The following CBL variants were observed in gnomAD, a reference collection of about 807,000 sequenced individuals.
CBL encodes the protein E3 ubiquitin-protein ligase CBL.
CBL carries 45 observed loss-of-function variants against 96.9 expected under a neutral mutation model. The observed-to-expected ratio is 0.46, with a 90% CI of 0.37 to 0.60. CBL has a LOEUF of 0.60. CBL is among the 20% of genes least tolerant of loss of function. The pLI is 0.00. For synonymous variants in CBL, 420 were observed against 426.8 expected (o/e 0.98, Z 0.20); for missense variants, 1,024 against 1,143.5 (o/e 0.90, Z 1.51).
intron 1 of CBL, among the ~76,000 whole-genome samples, chr11:119,219,459 C>A (rs983098242): frequency 1.3e-5 from 2 of 151,730 alleles, no homozygotes; most frequent in African/African-American, 4.8e-5. Flanking sequence ...ATAAGTGCTT[C>A]ATTAAGATGG....
At chr11:119,263,057 T>C (rs1949766259) in intron 2 of CBL, among the ~76,000 whole-genome samples, 1 of 152,232 alleles carries the variant, frequency 6.6e-6, no homozygotes, top group South Asian at 2.1e-4. Flanking sequence ...ATTATGAGAA[T>C]TAAATGCACT....
At chr11:119,214,224 TGA>T (rs1469170220) in intron 1 of CBL, among the ~76,000 whole-genome samples, 1 of 151,644 alleles carries the variant, frequency 6.6e-6, no homozygotes, top group East Asian at 1.9e-4. Flanking sequence ...ATTACAGGCA[TGA>T]GCCACCCCGC....
chr11:119,234,717 C>T (rs1218265869), intron 2 of CBL, among the ~76,000 whole-genome samples: 1 of 152,184 alleles, frequency 6.6e-6, no homozygotes, highest in Non-Finnish European at 1.5e-5. Flanking sequence ...AGGATTATTT[C>T]AGCACAAGAA....
intron 2 of CBL, among the ~76,000 whole-genome samples, chr11:119,256,158 A>C (rs76217251): frequency 7.3e-5 from 11 of 151,424 alleles, no homozygotes; most frequent in African/African-American, 2.7e-4. Context: ...TCTATATGTT[A>C]AGCCTCCATT....
At chr11:119,268,292 A>G (rs565583860) in intron 2 of CBL, among the ~76,000 whole-genome samples, 2 of 152,306 alleles carry the variant, frequency 1.3e-5, no homozygotes, top group African/African-American at 2.4e-5. Flanking sequence ...ATTATCACCA[A>G]GGAGTTTGCA....
At chr11:119,254,472 C>T (rs1477427005) in intron 2 of CBL, among the ~76,000 whole-genome samples, 2 of 152,128 alleles carry the variant, frequency 1.3e-5, no homozygotes, top group Admixed American at 1.3e-4. Context: ...GCTTATTGCT[C>T]ATAGGCTACC....
intron 2 of CBL, among the ~76,000 whole-genome samples, chr11:119,256,235 A>G (rs1260467504): frequency 6.7e-6 from 1 of 149,712 alleles, no homozygotes; most frequent in South Asian, 2.1e-4. Flanking sequence ...TCTGTCGCCC[A>G]GGTTGGAGTG....
chr11:119,278,014 A>G (rs1949902658), intron 7 of CBL, 152 bp from the exon 8 acceptor site: 1 of 865,056 alleles, frequency 1.2e-6, no homozygotes, highest in African/African-American at 1.7e-5. Flanking sequence ...CCCAGACTAG[A>G]TGCTTTCTGG....
intron 2 of CBL, among the ~76,000 whole-genome samples, chr11:119,246,196 A>C (rs1414123132): frequency 6.6e-6 from 1 of 151,626 alleles, no homozygotes; most frequent in Non-Finnish European, 1.5e-5. Context: ...GATAGTCTTG[A>C]TCTCTTGACC....
At chr11:119,275,462 A>G (rs1949882979) in intron 5 of CBL, among the ~76,000 whole-genome samples, 1 of 152,100 alleles carries the variant, frequency 6.6e-6, no homozygotes, top group Non-Finnish European at 1.5e-5. Context: ...ACAAAAAAAG[A>G]ATAGAGTTTA....
At chr11:119,278,424 T>G (rs1490686565) in intron 8 of CBL, 86 bp from the exon 9 acceptor site, 1 of 1,540,026 alleles carries the variant, frequency 6.5e-7, no homozygotes, top group Admixed American at 1.7e-5. Context: ...TACTTTTTTT[T>G]GATCTCTAGG....
chr11:119,280,041 A>G (rs1949921431), intron 9 of CBL, among the ~76,000 whole-genome samples: 1 of 152,258 alleles, frequency 6.6e-6, no homozygotes, highest in South Asian at 2.1e-4. Context: ...GGAAAGAAGT[A>G]AAGGAACACA....
intron 1 of CBL, among the ~76,000 whole-genome samples, chr11:119,223,484 C>G (rs1949427982): frequency 1.3e-5 from 2 of 151,494 alleles, no homozygotes; most frequent in Admixed American, 1.3e-4. Context: ...CACCGGAGTG[C>G]AGTGGCCTGA....
At chr11:119,272,644 C>T (rs1325275580) in intron 3 of CBL, among the ~76,000 whole-genome samples, 5 of 152,152 alleles carry the variant, frequency 3.3e-5, no homozygotes, top group Admixed American at 6.5e-5. Context: ...GTTTGGCTAA[C>T]GCTGGCGATG....
At chr11:119,277,599 A>AT (rs1219110218) in intron 6 of CBL, among the ~76,000 whole-genome samples, 158 bp from the exon 7 acceptor site, 1 of 151,936 alleles carries the variant, frequency 6.6e-6, no homozygotes, top group Non-Finnish European at 1.5e-5. Context: ...TTGAAGTATT[A>AT]TTTTTTGGAA....
intron 12 of CBL, among the ~76,000 whole-genome samples, chr11:119,295,864 A>G (rs1950059504): frequency 6.6e-6 from 1 of 152,194 alleles, no homozygotes; most frequent in Non-Finnish European, 1.5e-5. Flanking sequence ...GTTTTATCAG[A>G]CTATATGTCT....
rs764185548 is a variant in CBL at position 119,277,739 on chromosome 11, G to A, written c.1008-18G>A. The A allele has an allele frequency of 1.2e-5, 19 of 1,586,350 alleles. No individual in the cohort carries two copies. The African/African-American group carries it at 2.6e-4, about 21-fold the overall frequency. ...CAAATTGGCTTAAATAAAACCCAGGGTTGGTTACTCTTTACAGCTATTTGT... is the reference window on the plus strand; with the variant it reads ...CAAATTGGCTTAAATAAAACCCAGGATTGGTTACTCTTTACAGCTATTTGT... On this transcript the variant is annotated intron_variant, in intron 6 of 15. Coordinates refer to ENST00000264033, the MANE Select transcript of CBL (RefSeq NM_005188.4).
chr11:119,226,445 C>T (rs2135261496), intron 1 of CBL, among the ~76,000 whole-genome samples: 1 of 152,164 alleles, frequency 6.6e-6, no homozygotes, highest in East Asian at 1.9e-4. Context: ...AGAACTAAGG[C>T]TCAGAGGTTA....
At chr11:119,281,976 G>T (rs1448405293) in intron 9 of CBL, among the ~76,000 whole-genome samples, 1 of 152,078 alleles carries the variant, frequency 6.6e-6, no homozygotes, top group Non-Finnish European at 1.5e-5. Context: ...GTATTTCTCT[G>T]ATCACTTATT....
Sources: gnomAD v4.1 joint callset for allele counts (sites outside exome capture counted in the v4.1 genomes callset) on GRCh38, gnomAD v4.1.1 for gene constraint, MANE v1.5 for transcripts, NCBI Gene and HGNC (gene_info 2026-07-23, HGNC 2026-07-21) for gene names.